TBC1D22A: variants seen among roughly 807,000 people sequenced by gnomAD.
The protein encoded by TBC1D22A is TBC1 domain family member 22A, also known as putative GTPase activator.
A neutral mutation model predicts 60.2 loss-of-function variants in TBC1D22A; 38 were observed. The observed-to-expected ratio is 0.63, with a 90% confidence interval of 0.49 to 0.83. TBC1D22A has a LOEUF of 0.83. Among genes scored for constraint, TBC1D22A ranks in the 40% least tolerant of loss-of-function variants. The pLI, the probability that TBC1D22A is intolerant of heterozygous loss-of-function variation, is 0.00. For synonymous variants in TBC1D22A, 302 were observed against 281.7 expected (o/e 1.07, Z -0.72); for missense variants, 628 against 701.0 (o/e 0.90, Z 1.18).
intron 11 of TBC1D22A, 118 bp downstream of exon 11, chr22:47,037,316 A>G (rs530313965): frequency 2.0e-5 from 28 of 1,398,272 alleles, no homozygotes; most frequent in South Asian, 1.9e-4. Context: ...CGCTCTCTCC[A>G]TTGAAATGCG....
intron 12 of TBC1D22A, among the ~76,000 whole-genome samples, chr22:47,113,306 A>G (rs1009485216): frequency 2.0e-5 from 3 of 151,672 alleles, no homozygotes; most frequent in African/African-American, 4.8e-5. Context: ...CTGGCCATGG[A>G]GCTTGGATGT....
At chr22:46,994,300 C>G (rs1371365124) in intron 9 of TBC1D22A, among the ~76,000 whole-genome samples, 1 of 152,194 alleles carries the variant, frequency 6.6e-6, no homozygotes, top group Non-Finnish European at 1.5e-5. Context: ...ATCCCAGGAC[C>G]CATCAGGCTC....
chr22:47,043,513 A>AG (rs2062920122), intron 11 of TBC1D22A, among the ~76,000 whole-genome samples: 1 of 152,180 alleles, frequency 6.6e-6, no homozygotes, highest in African/African-American at 2.4e-5. Context: ...GCCACCTGCA[A>AG]TTTCGCAGCC....
intron 11 of TBC1D22A, among the ~76,000 whole-genome samples, chr22:47,108,818 G>C (rs1206733923): frequency 1.3e-5 from 2 of 152,062 alleles, no homozygotes; most frequent in African/African-American, 4.8e-5. Context: ...GCCTCAGCCT[G>C]CCGAGTAGCT....
At chr22:47,099,453 T>G (rs574736878) in intron 11 of TBC1D22A, among the ~76,000 whole-genome samples, 326 of 151,762 alleles carry the variant, frequency 2.1e-3, no homozygotes, top group African/African-American at 7.4e-3. Context: ...TTTTGTTGTT[T>G]TTTTTTTTTG....
At chr22:47,021,195 A>C (rs1224648933) in intron 10 of TBC1D22A, among the ~76,000 whole-genome samples, 11 of 140,700 alleles carry the variant, frequency 7.8e-5, no homozygotes, top group East Asian at 6.6e-4. Flanking sequence ...CTCCACCTGT[A>C]GCCTGGAGCC....
At chr22:46,797,374 G>T (rs2084699234) in intron 3 of TBC1D22A, 70 bp from the exon 4 acceptor site, 8 of 1,563,078 alleles carry the variant, frequency 5.1e-6, no homozygotes, top group Non-Finnish European at 7.0e-6. Context: ...AGGGACAGTG[G>T]CACAGCAAGG....
intron 4 of TBC1D22A, among the ~76,000 whole-genome samples, chr22:46,849,360 T>C (rs952727171): frequency 2.0e-5 from 3 of 152,198 alleles, no homozygotes; most frequent in Non-Finnish European, 4.4e-5. Flanking sequence ...TTTTTGTCTC[T>C]CAGTGTTTCT....
chr22:46,970,563 G>A (rs1352064071), intron 8 of TBC1D22A, among the ~76,000 whole-genome samples: 2 of 152,182 alleles, frequency 1.3e-5, no homozygotes, highest in Admixed American at 6.5e-5. Flanking sequence ...GTCAATGCAG[G>A]CCCCAGCCAT....
chr22:47,015,490 T>A (rs2061879453), intron 10 of TBC1D22A, among the ~76,000 whole-genome samples: 1 of 152,254 alleles, frequency 6.6e-6, no homozygotes, highest in Admixed American at 6.5e-5. Context: ...GCAATTCAGC[T>A]GGAATCTGTA....
At chr22:46,900,595 C>G (rs1313517147) in intron 7 of TBC1D22A, among the ~76,000 whole-genome samples, 2 of 152,230 alleles carry the variant, frequency 1.3e-5, no homozygotes, top group African/African-American at 4.8e-5. Flanking sequence ...CTTTCTGTCT[C>G]TAGAGTTCTG....
intron 2 of TBC1D22A, among the ~76,000 whole-genome samples, chr22:46,793,070 C>T (rs933910523): frequency 8.5e-5 from 13 of 152,254 alleles, no homozygotes; most frequent in African/African-American, 2.9e-4. Context: ...TGTGTGTTGT[C>T]CTATTTTGGG....
chr22:46,905,107 A>C (rs1379397470), intron 7 of TBC1D22A, among the ~76,000 whole-genome samples: 2 of 152,178 alleles, frequency 1.3e-5, no homozygotes, highest in African/African-American at 4.8e-5. Context: ...TGGCTTTCAG[A>C]GGGGGACGGT....
chr22:46,808,569 C>G (rs541190504), intron 4 of TBC1D22A, among the ~76,000 whole-genome samples: 1 of 151,584 alleles, frequency 6.6e-6, no homozygotes, highest in South Asian at 2.1e-4. Context: ...GAAATGTAGT[C>G]AGGTAAGGCT....
chr22:47,109,776 G>A (rs1229591727), intron 11 of TBC1D22A, among the ~76,000 whole-genome samples: 4 of 151,926 alleles, frequency 2.6e-5, no homozygotes, highest in South Asian at 2.1e-4. Flanking sequence ...TGTCATACGC[G>A]TTGGTGTGTT....
At chr22:47,036,032 G>C (rs182074594) in intron 10 of TBC1D22A, among the ~76,000 whole-genome samples, 181 of 152,220 alleles carry the variant, frequency 1.2e-3, no homozygotes, top group African/African-American at 3.9e-3. Context: ...AGGGAATGGC[G>C]ATCCCTGTGA....
In TBC1D22A at chr22:46,762,962, G is replaced by T. The variant is rs1045483611; in HGVS notation, c.62+114G>T. ...GTCTGGAGAGGGCAACTTGGACTCTGAGGAGACTGCTGGATGGTGTGACGG... is the reference window on the plus strand; with the variant it reads ...GTCTGGAGAGGGCAACTTGGACTCTTAGGAGACTGCTGGATGGTGTGACGG... On this transcript the variant is annotated intron_variant, in intron 1 of 12. Transcript: ENST00000337137. 9.2e-6 allele frequency: 9 copies of T among 980,600 alleles called. No individual in the cohort carries two copies. In the African/African-American group the frequency reaches 1.6e-4, roughly 17 times the overall value. The allele number at this position is 980,600 out of a possible 1,614,324, so 60.7% of individuals were successfully genotyped here. A position where few individuals can be genotyped will look rare whatever the true frequency, so the allele number is the denominator to read the frequency against.
At chr22:47,152,148 C>G (rs561460672) in intron 12 of TBC1D22A, among the ~76,000 whole-genome samples, 1 of 152,240 alleles carries the variant, frequency 6.6e-6, no homozygotes, top group East Asian at 1.9e-4. Context: ...CTATTGCTTC[C>G]TGGTTAAGTG....
intron 8 of TBC1D22A, among the ~76,000 whole-genome samples, chr22:46,973,337 G>T: frequency 6.6e-6 from 1 of 152,204 alleles, no homozygotes; most frequent in East Asian, 1.9e-4. Context: ...GGGGCTCAAG[G>T]GTGGTGACAG....
Sources: allele counts gnomAD v4.1 joint callset (sites outside exome capture counted in the v4.1 genomes callset), GRCh38; gene constraint gnomAD v4.1.1; transcripts MANE v1.5; gene names NCBI Gene and HGNC (gene_info 2026-07-23, HGNC 2026-07-21).